WDR7: variants seen among roughly 807,000 people sequenced by gnomAD.
WDR7 encodes the protein WD repeat-containing protein 7.
In WDR7, 46 loss-of-function variants were observed where a neutral mutation model predicts 169.4. The observed-to-expected ratio is 0.27, with a 90% confidence interval of 0.21 to 0.35. WDR7 has a LOEUF of 0.35. Among genes scored for constraint, WDR7 ranks in the 10% least tolerant of loss-of-function variants. WDR7 has a pLI of 1.00. For synonymous variants in WDR7, 612 were observed against 666.8 expected (o/e 0.92, Z 1.27); for missense variants, 1,534 against 1,859.3 (o/e 0.83, Z 3.22).
At chr18:56,739,054 C>G (rs1159163987) in intron 14 of WDR7, among the ~76,000 whole-genome samples, 2 of 150,696 alleles carry the variant, frequency 1.3e-5, no homozygotes, top group African/African-American at 4.9e-5. Flanking sequence ...CCTTTTATCT[C>G]TTTGCTCTTC....
At chr18:56,892,817 A>T (rs1431937908) in intron 21 of WDR7, among the ~76,000 whole-genome samples, 1 of 152,080 alleles carries the variant, frequency 6.6e-6, no homozygotes, top group East Asian at 1.9e-4. Flanking sequence ...CAGTAGTTAA[A>T]TATAACATCC....
intron 19 of WDR7, among the ~76,000 whole-genome samples, chr18:56,798,365 G>T (rs2044619214): frequency 6.6e-6 from 1 of 152,148 alleles, no homozygotes; most frequent in Non-Finnish European, 1.5e-5. Flanking sequence ...TGGCACAGTG[G>T]TTCTTAACCT....
intron 2 of WDR7, among the ~76,000 whole-genome samples, chr18:56,676,727 T>G (rs76423633): frequency 3.9e-5 from 6 of 151,982 alleles, no homozygotes; most frequent in Non-Finnish European, 5.9e-5. Flanking sequence ...GTTTTTTTTT[T>G]GGGAGACAGG....
intron 16 of WDR7, among the ~76,000 whole-genome samples, chr18:56,773,989 CT>C (rs1221612250): frequency 2.7e-5 from 4 of 148,990 alleles, no homozygotes; most frequent in Non-Finnish European, 4.5e-5. Context: ...TAATTGTATT[CT>C]TTTTTTAGTA....
At chr18:57,012,364 C>G (rs977102987) in intron 26 of WDR7, among the ~76,000 whole-genome samples, 22 of 152,072 alleles carry the variant, frequency 1.4e-4, no homozygotes, top group African/African-American at 5.1e-4. Flanking sequence ...AGGACAGCAC[C>G]AGGATAGGAA....
chr18:56,912,869 A>G (rs1333669604), intron 21 of WDR7, among the ~76,000 whole-genome samples: 1 of 151,446 alleles, frequency 6.6e-6, no homozygotes, highest in African/African-American at 2.4e-5. Context: ...ATGTATTTTT[A>G]GTTTTAATTT....
intron 26 of WDR7, among the ~76,000 whole-genome samples, chr18:57,011,882 C>G (rs1264978952): frequency 1.3e-5 from 2 of 152,284 alleles, no homozygotes; most frequent in African/African-American, 2.4e-5. Flanking sequence ...TATTTTGCGT[C>G]CCAAGTGAGA....
At chr18:56,923,670 T>C (rs2046760079) in intron 21 of WDR7, among the ~76,000 whole-genome samples, 3 of 152,240 alleles carry the variant, frequency 2.0e-5, no homozygotes, top group Admixed American at 2.0e-4. Flanking sequence ...TTTGAAATTA[T>C]ATATACTCAT....
chr18:56,662,991 G>A (rs146550811), intron 1 of WDR7, among the ~76,000 whole-genome samples: 1 of 152,322 alleles, frequency 6.6e-6, no homozygotes, highest in African/African-American at 2.4e-5. Flanking sequence ...CTGGAGGCTA[G>A]AAGTGCCCCA....
At chr18:56,747,485 C>A (rs752419343) in intron 14 of WDR7, among the ~76,000 whole-genome samples, 5 of 152,170 alleles carry the variant, frequency 3.3e-5, no homozygotes, top group Non-Finnish European at 7.3e-5. Flanking sequence ...CTACAACCAG[C>A]TGGAGAGGGC....
At chr18:56,863,016 T>A (rs973192400) in intron 20 of WDR7, among the ~76,000 whole-genome samples, 2 of 151,862 alleles carry the variant, frequency 1.3e-5, no homozygotes, top group Non-Finnish European at 3.0e-5. Context: ...TTTATTGAAG[T>A]TTCACCTATA....
chr18:56,860,139 C>T (rs1034139045), intron 20 of WDR7, among the ~76,000 whole-genome samples: 3 of 152,112 alleles, frequency 2.0e-5, no homozygotes, highest in African/African-American at 4.8e-5. Flanking sequence ...AAGCCCATCG[C>T]CTCTGCTGAC....
chr18:56,837,490 T>G (rs991047814), intron 20 of WDR7, among the ~76,000 whole-genome samples: 3 of 152,232 alleles, frequency 2.0e-5, no homozygotes, highest in African/African-American at 7.2e-5. Context: ...TAATTTTGAT[T>G]AGTATATTAA....
In WDR7 at chr18:56,781,078, A is replaced by C. The variant is rs1044597508; in HGVS notation, c.3067-455A>C. 3.9e-5 allele frequency among the ~76,000 whole-genome samples: 6 copies of C among 152,328 alleles called. No homozygotes were observed. The South Asian group carries it at 6.2e-4, about 16-fold the overall frequency. ...AACTTATACGTATTTGTTTGTATAA[A>C]TAGTATCTACTTAGCATATATAATA... On this transcript the variant is annotated intron_variant, in intron 18 of 27. Coordinates refer to ENST00000254442, the MANE Select transcript of WDR7 (RefSeq NM_015285.3).
intron 21 of WDR7, among the ~76,000 whole-genome samples, chr18:56,895,546 A>C (rs540876654): frequency 6.6e-6 from 1 of 151,788 alleles, no homozygotes; most frequent in Admixed American, 6.6e-5. Context: ...TGATGCTCAA[A>C]TTTAATAGTA....
intron 12 of WDR7, among the ~76,000 whole-genome samples, chr18:56,700,106 A>T (rs1053683724): frequency 1.3e-5 from 2 of 152,088 alleles, no homozygotes; most frequent in Admixed American, 6.6e-5. Flanking sequence ...TTAATTACTT[A>T]AAAAATTTTG....
At chr18:56,807,639 T>A (rs997860819) in intron 19 of WDR7, among the ~76,000 whole-genome samples, 1 of 151,928 alleles carries the variant, frequency 6.6e-6, no homozygotes, top group Admixed American at 6.6e-5. Flanking sequence ...CTTTCAGAAT[T>A]GCTAATAATT....
chr18:56,785,833 T>TTC (rs2044390976), intron 19 of WDR7, among the ~76,000 whole-genome samples: 1 of 149,718 alleles, frequency 6.7e-6, no homozygotes, highest in Non-Finnish European at 1.5e-5. Flanking sequence ...TCTTTTTCTT[T>TTC]TTTTTTTTTT....
intron 21 of WDR7, among the ~76,000 whole-genome samples, chr18:56,917,506 AATTC>A (rs1234248526): frequency 6.6e-6 from 1 of 152,212 alleles, no homozygotes; most frequent in East Asian, 1.9e-4. Context: ...CCAAAAAAGA[AATTC>A]ATTAAGCAAT....
Sources: gnomAD v4.1 joint callset for allele counts (sites outside exome capture counted in the v4.1 genomes callset) on GRCh38, gnomAD v4.1.1 for gene constraint, MANE v1.5 for transcripts, NCBI Gene and HGNC (gene_info 2026-07-23, HGNC 2026-07-21) for gene names.